Variants in SCD5 observed in about 807,000 individuals in gnomAD.
SCD5 encodes the protein acyl-CoA-desaturase 4.
Under a neutral mutation model 30.4 loss-of-function variants are expected in SCD5, and 20 were observed. The observed-to-expected ratio is 0.66, with a 90% CI of 0.46 to 0.96. The LOEUF (loss-of-function observed/expected upper bound fraction) is 0.96. Among genes scored for constraint, SCD5 ranks in the 40% least tolerant of loss-of-function variants. SCD5 has a pLI of 0.00. For synonymous variants in SCD5, 173 were observed against 176.4 expected, an observed-to-expected ratio of 0.98 and a Z score of 0.16; for missense variants, 381 against 443.3, an observed-to-expected ratio of 0.86 and a Z score of 1.26.
rs551617285 is a variant in SCD5, at chr4:82,754,208, G to A, written c.232+44098C>T. On this transcript the variant is annotated intron_variant, in intron 1 of 4. Coordinates refer to ENST00000319540, the MANE Select transcript of SCD5 (RefSeq NM_001037582.3). ...GAATGACAGTGCAGGGAGAGAAAGC[G>A]GGAAATCAGAAGAGAAAGGAGAAGG... 7.9e-5 allele frequency among the ~76,000 whole-genome samples: 12 copies of A among 152,226 alleles called. No homozygotes were observed. The East Asian group carries it at 9.6e-4, about 12-fold the overall frequency.
chr4:82,667,255 T>C (rs766319272), intron 3 of SCD5, among the ~76,000 whole-genome samples: 3 of 146,470 alleles, frequency 2.0e-5, no homozygotes, highest in Non-Finnish European at 3.0e-5. Context: ...GCTAATGCAG[T>C]TGGTGTATTT....
At chr4:82,687,484 G>A (rs1274700303) in intron 2 of SCD5, among the ~76,000 whole-genome samples, 7 of 152,114 alleles carry the variant, frequency 4.6e-5, no homozygotes, top group South Asian at 4.1e-4. Context: ...GCTTCTCCTC[G>A]ATGAAGCAGT....
chr4:82,724,348 G>A (rs541709802), intron 1 of SCD5, among the ~76,000 whole-genome samples: 48 of 152,294 alleles, frequency 3.2e-4, no homozygotes, highest in African/African-American at 9.4e-4. Flanking sequence ...CAGGCATGGT[G>A]GCTCACACCT....
At chr4:82,700,944 T>C (rs914374248) in intron 2 of SCD5, among the ~76,000 whole-genome samples, 1 of 151,638 alleles carries the variant, frequency 6.6e-6, no homozygotes, top group South Asian at 2.1e-4. Context: ...TGGATCTACA[T>C]AAGTGAAGGT....
chr4:82,708,713 C>A (rs1720016991), intron 1 of SCD5, among the ~76,000 whole-genome samples: 1 of 152,104 alleles, frequency 6.6e-6, no homozygotes, highest in South Asian at 2.1e-4. Flanking sequence ...CCCCTCCTGA[C>A]TATATGACAG....
At chr4:82,636,386 G>C (rs1312323323) in intron 4 of SCD5, among the ~76,000 whole-genome samples, 1 of 151,858 alleles carries the variant, frequency 6.6e-6, no homozygotes, top group Non-Finnish European at 1.5e-5. Flanking sequence ...AGGAAGCAGA[G>C]GCTGCAGTCA....
rs1256788217 is a variant in SCD5, at chr4:82,629,972, G to T, written c.*1355C>A. 1 of 152,236 alleles carries T rather than the reference G, an allele frequency of 6.6e-6. No individual in the cohort carries two copies. The highest frequency in any genetic ancestry group is 2.4e-5 in the African/African-American group (1 of 41,456). The allele number at this position is 152,236 out of a possible 1,614,324, so 9.4% of individuals were successfully genotyped here. ...GGTTCTCAAGATCTGATGGTCTGAT[G>T]TGGAAAATTAATATGCTTATTTAGC... On this transcript the variant is annotated 3_prime_UTR_variant, in exon 5 of 5. Coordinates refer to ENST00000319540, the MANE Select transcript of SCD5 (RefSeq NM_001037582.3).
intron 1 of SCD5, among the ~76,000 whole-genome samples, chr4:82,765,393 C>T (rs1347115650): frequency 1.3e-5 from 2 of 152,096 alleles, no homozygotes; most frequent in African/African-American, 4.8e-5. Context: ...CTATAGTATA[C>T]ATAGTCTTCC....
intron 1 of SCD5, among the ~76,000 whole-genome samples, chr4:82,775,274 T>C (rs898502725): frequency 6.6e-6 from 1 of 152,214 alleles, no homozygotes; most frequent in Non-Finnish European, 1.5e-5. Flanking sequence ...GGTTGGGAGC[T>C]GCTTGTAGGC....
chr4:82,726,930 T>C (rs1720511986), intron 1 of SCD5, among the ~76,000 whole-genome samples: 2 of 152,226 alleles, frequency 1.3e-5, no homozygotes, highest in African/African-American at 4.8e-5. Flanking sequence ...CTACATTTTC[T>C]AAGTTCTGAA....
intron 1 of SCD5, among the ~76,000 whole-genome samples, chr4:82,748,176 A>C (rs1420213524): frequency 6.6e-6 from 1 of 152,218 alleles, no homozygotes; most frequent in Non-Finnish European, 1.5e-5. Flanking sequence ...TCAAGTCTTA[A>C]ATGGGAAGTA....
At chr4:82,680,257 C>T (rs1373830853) in intron 3 of SCD5, among the ~76,000 whole-genome samples, 1 of 152,146 alleles carries the variant, frequency 6.6e-6, no homozygotes, top group African/African-American at 2.4e-5. Flanking sequence ...GAGTGATGGG[C>T]AGGGCAGAGG....
In SCD5 at chr4:82,728,066, C is replaced by T. The variant is rs145911137; in HGVS notation, c.233-22653G>A. ...GCTCTTGTCTCCTCTGTATGTTTTT[C>T]CTGTCTTAAGTTAGTCTATAGGTTA... is the stretch of plus-strand genomic sequence containing the variant. On this transcript the variant is annotated intron_variant, in intron 1 of 4. Transcript: ENST00000319540. 7.9e-5 allele frequency among the ~76,000 whole-genome samples: 12 copies of T among 152,160 alleles called. No individual in the cohort carries two copies. The East Asian group carries it at 2.3e-3, about 29-fold the overall frequency.
chr4:82,637,233 A>G (rs1727452334), intron 3 of SCD5, among the ~76,000 whole-genome samples: 1 of 152,222 alleles, frequency 6.6e-6, no homozygotes, highest in Admixed American at 6.5e-5. Flanking sequence ...ATTTTGAGAA[A>G]TAGTTAATGC....
chr4:82,695,190 G>C (rs73829967), intron 2 of SCD5, among the ~76,000 whole-genome samples: 13 of 152,078 alleles, frequency 8.5e-5, no homozygotes, highest in Admixed American at 6.5e-4. Context: ...TGATCACGCA[G>C]GGCCCCATAG....
At chr4:82,735,223 G>A (rs535828257) in intron 1 of SCD5, among the ~76,000 whole-genome samples, 23 of 152,316 alleles carry the variant, frequency 1.5e-4, no homozygotes, top group South Asian at 8.3e-4. Context: ...CCCCATGTCT[G>A]TATGGGTTTT....
chr4:82,651,341 G>A (rs1470829423), intron 3 of SCD5, among the ~76,000 whole-genome samples: 1 of 152,170 alleles, frequency 6.6e-6, no homozygotes, highest in Non-Finnish European at 1.5e-5. Flanking sequence ...ATTGGAGACT[G>A]TTACTCTAAG....
intron 1 of SCD5, among the ~76,000 whole-genome samples, chr4:82,757,488 TA>T (rs1721258785): frequency 6.6e-6 from 1 of 152,216 alleles, no homozygotes. Flanking sequence ...GAGGTCTTTC[TA>T]TTCGCATTTT....
At chr4:82,669,983 C>CT (rs1459048849) in intron 3 of SCD5, among the ~76,000 whole-genome samples, 1 of 152,182 alleles carries the variant, frequency 6.6e-6, no homozygotes, top group Non-Finnish European at 1.5e-5. Context: ...CACTAACAGA[C>CT]TGAGACCTAA....
Sources: allele counts gnomAD v4.1 joint callset (sites outside exome capture counted in the v4.1 genomes callset), GRCh38; gene constraint gnomAD v4.1.1; transcripts MANE v1.5; gene names NCBI Gene and HGNC (gene_info 2026-07-23, HGNC 2026-07-21).